UPRT: variants seen among roughly 807,000 people sequenced by gnomAD.
UPRT encodes the protein uracil phosphoribosyltransferase homolog.
In UPRT, 5 loss-of-function variants were observed where a neutral mutation model predicts 22.6. The ratio of observed to expected loss-of-function variants is 0.22; its 90% CI spans 0.12 to 0.47. The LOEUF is 0.47. Among genes scored for constraint, UPRT ranks in the 20% least tolerant of loss-of-function variants. The probability of loss-of-function intolerance (pLI) is 0.99; values close to 1 mark genes in which losing one functional copy is unlikely to be tolerated. For synonymous variants in UPRT, 77 were observed against 87.7 expected, an observed-to-expected ratio of 0.88 and a Z score of 0.68; for missense variants, 181 against 239.9, an observed-to-expected ratio of 0.75 and a Z score of 1.62.
chrX:75,244,807 A>G (rs1024724068), intron 4 of UPRT, among the ~76,000 whole-genome samples: 3 of 111,502 alleles, frequency 2.7e-5, no homozygotes, highest in African/African-American at 9.8e-5. Context: ...TAAAACCTAC[A>G]ACCATAAAAA....
intron 4 of UPRT, among the ~76,000 whole-genome samples, chrX:75,298,937 GA>G (rs201738816): frequency 0.018 from 2,025 of 112,279 alleles, 56 homozygotes; most frequent in African/African-American, 0.062. Flanking sequence ...ATATATATTA[GA>G]AAGAAACTTG....
chrX:75,178,369 C>T (rs771092982), intron 4 of UPRT, among the ~76,000 whole-genome samples: 15 of 111,827 alleles, frequency 1.3e-4, no homozygotes, highest in South Asian at 3.8e-4. Context: ...AAAGTCTCAC[C>T]GCTCAGCGAT....
chrX:75,252,099 C>T (rs2082532539), intron 4 of UPRT, among the ~76,000 whole-genome samples: 1 of 111,820 alleles, frequency 8.9e-6, no homozygotes, highest in African/African-American at 3.3e-5. Flanking sequence ...GACCTAAAAC[C>T]ATAAAAATGC....
At chrX:75,206,223 G>A (rs768718041) in intron 4 of UPRT, among the ~76,000 whole-genome samples, 11 of 111,319 alleles carry the variant, frequency 9.9e-5, no homozygotes, top group Non-Finnish European at 2.1e-4. Context: ...TTCGGTGGTG[G>A]TAGGGAAAGC....
At chrX:75,195,171 C>T (rs2082329470) in intron 4 of UPRT, among the ~76,000 whole-genome samples, 1 of 112,272 alleles carries the variant, frequency 8.9e-6, no homozygotes. Context: ...CATGGGTGGG[C>T]TGGTATGTGC....
chrX:75,213,116 A>G (rs774509121), intron 4 of UPRT, among the ~76,000 whole-genome samples: 8 of 112,424 alleles, frequency 7.1e-5, no homozygotes, highest in East Asian at 5.6e-4. Flanking sequence ...GGTGTTTTAT[A>G]GGCAGTCTCC....
intron 4 of UPRT, among the ~76,000 whole-genome samples, chrX:75,259,329 C>A (rs1384837100): frequency 9.1e-6 from 1 of 109,969 alleles, no homozygotes; most frequent in African/African-American, 3.3e-5. Flanking sequence ...CTCCTCCGAG[C>A]TAAAGGAGCA....
At chrX:75,224,450 T>C (rs896840248) in intron 4 of UPRT, among the ~76,000 whole-genome samples, 5 of 110,545 alleles carry the variant, frequency 4.5e-5, no homozygotes, top group African/African-American at 1.6e-4. Context: ...GTGACCTCTA[T>C]CTCCCTTCCC....
At chrX:75,254,288 A>G (rs2082541806) in intron 4 of UPRT, among the ~76,000 whole-genome samples, 1 of 111,722 alleles carries the variant, frequency 9.0e-6, no homozygotes, top group Admixed American at 9.6e-5. Flanking sequence ...AAAAAATGAT[A>G]TAAGAAGTGA....
intron 4 of UPRT, among the ~76,000 whole-genome samples, chrX:75,241,003 T>A (rs1239244954): frequency 1.8e-5 from 2 of 110,984 alleles, no homozygotes; most frequent in African/African-American, 6.5e-5. Context: ...AAAACTCTTC[T>A]AAACATTGGC....
chrX:75,165,740 G>T (rs974240100), intron 3 of UPRT, among the ~76,000 whole-genome samples: 2 of 111,397 alleles, frequency 1.8e-5, no homozygotes, highest in African/African-American at 6.5e-5. Context: ...TTTTAATATT[G>T]TTTTCTGTTT....
chrX:75,244,088 G>T (rs910780762), intron 4 of UPRT, among the ~76,000 whole-genome samples: 1 of 111,286 alleles, frequency 9.0e-6, no homozygotes, highest in Non-Finnish European at 1.9e-5. Flanking sequence ...TGTAATTATA[G>T]CTAACAGTGT....
intron 4 of UPRT, among the ~76,000 whole-genome samples, chrX:75,248,428 C>G (rs1362875834): frequency 1.8e-5 from 2 of 111,975 alleles, no homozygotes; most frequent in Non-Finnish European, 3.8e-5. Flanking sequence ...CTCTCAGTAG[C>G]TGATGCAATC....
intron 2 of UPRT, among the ~76,000 whole-genome samples, chrX:75,293,942 C>T (rs754656143): frequency 1.6e-4 from 18 of 111,088 alleles, no homozygotes; most frequent in Non-Finnish European, 3.8e-5. Flanking sequence ...CTTATTTTGC[C>T]TCTTCTTTCC....
chrX:75,299,236 CT>C (rs1354816610), intron 4 of UPRT, among the ~76,000 whole-genome samples: 1 of 112,269 alleles, frequency 8.9e-6, no homozygotes, highest in Non-Finnish European at 1.9e-5. Context: ...AAAATCTTTG[CT>C]GTTGAGAAGT....
intron 4 of UPRT, among the ~76,000 whole-genome samples, chrX:75,248,000 G>A (rs755080903): frequency 4.5e-5 from 5 of 111,964 alleles, no homozygotes; most frequent in Non-Finnish European, 9.4e-5. Context: ...TGCAGCTGAG[G>A]GTCCTGACGG....
chrX:75,279,537 A>G (rs1428371340), intron 1 of UPRT, among the ~76,000 whole-genome samples: 2 of 111,822 alleles, frequency 1.8e-5, no homozygotes, highest in African/African-American at 6.5e-5. Flanking sequence ...AGGATAATTA[A>G]TGTAGCAATT....
intron 1 of UPRT, chrX:75,291,424 G>A (rs1159991197): frequency 3.1e-6 from 1 of 322,944 alleles, no homozygotes; most frequent in Admixed American, 3.3e-5. Context: ...TTACGGTTAT[G>A]ATTTAAAATG....
chrX:75,222,537 G>T lies in UPRT; in HGVS notation c.-447+54658G>T, dbSNP rs1048224787. Among the ~76,000 whole-genome samples the T allele has an allele frequency of 3.6e-5, 4 of 111,591 alleles. No homozygotes were observed. The East Asian group carries it at 8.5e-4, about 24-fold the overall frequency. On this transcript the variant is annotated intron_variant, in intron 4 of 13. Transcript: ENST00000652605. ...GCTCTACTCTACTGCACCTGAGCTGGCACCTAACCACAAGACAAAGTCCTT... is the reference window on the plus strand; with the variant it reads ...GCTCTACTCTACTGCACCTGAGCTGTCACCTAACCACAAGACAAAGTCCTT...
Sources: allele counts gnomAD v4.1 joint callset (sites outside exome capture counted in the v4.1 genomes callset), GRCh38; gene constraint gnomAD v4.1.1; transcripts MANE v1.5; gene names NCBI Gene and HGNC (gene_info 2026-07-23, HGNC 2026-07-21).